Variants in ARHGAP39 observed in about 807,000 individuals in gnomAD.
The protein encoded by ARHGAP39 is rho GTPase-activating protein 39.
A neutral mutation model predicts 106.9 loss-of-function variants in ARHGAP39; 44 were observed. The ratio of observed to expected loss-of-function variants is 0.41; its 90% CI spans 0.32 to 0.53. ARHGAP39 has a LOEUF of 0.53. Ranked by LOEUF, ARHGAP39 falls within the 20% of genes least tolerant of loss-of-function variation. The pLI, the probability that ARHGAP39 is intolerant of heterozygous loss-of-function variation, is 0.21. For synonymous variants in ARHGAP39, 768 were observed against 693.2 expected (o/e 1.11, Z -1.69); for missense variants, 1,496 against 1,577.3 (o/e 0.95, Z 0.87).
intron 1 of ARHGAP39, among the ~76,000 whole-genome samples, chr8:144,681,295 G>A (rs1822410812): frequency 6.6e-6 from 1 of 152,204 alleles, no homozygotes; most frequent in Non-Finnish European, 1.5e-5. Context: ...AGGGACAGGA[G>A]ACAGGCCAGG....
chr8:144,696,662 A>G, the ARHGAP39 span, among the ~76,000 whole-genome samples: 1,510 of 152,278 alleles, frequency 9.9e-3, 27 homozygotes, highest in African/African-American at 0.034. Flanking sequence ...TTGTGGTAAA[A>G]TTCATATAAC....
intron 1 of ARHGAP39, among the ~76,000 whole-genome samples, chr8:144,642,620 G>T (rs1821340885): frequency 6.6e-6 from 1 of 152,136 alleles, no homozygotes. Flanking sequence ...CTAGTGGGAG[G>T]TAACTGAATC....
At chr8:144,588,678 G>A (rs555352332) in intron 2 of ARHGAP39, among the ~76,000 whole-genome samples, 33 of 152,374 alleles carry the variant, frequency 2.2e-4, no homozygotes, top group African/African-American at 6.5e-4. Context: ...GCCTGTCTCC[G>A]TCAAACCCAG....
At chr8:144,574,212 G>T (rs973483281) in intron 3 of ARHGAP39, among the ~76,000 whole-genome samples, 4 of 150,972 alleles carry the variant, frequency 2.6e-5, no homozygotes, top group Non-Finnish European at 4.4e-5. Flanking sequence ...GGGGGAAGAA[G>T]AAATCATAAT....
chr8:144,542,642 C>T (rs11780277), intron 6 of ARHGAP39, among the ~76,000 whole-genome samples: 6 of 150,354 alleles, frequency 4.0e-5, no homozygotes, highest in Non-Finnish European at 5.9e-5. Context: ...CCCACCCCCA[C>T]TTCGACGGAG....
chr8:144,686,934 T>C (rs28441981), upstream of ARHGAP39, among the ~76,000 whole-genome samples: 6,843 of 18,172 alleles, frequency 0.38, 1,700 homozygotes, highest in African/African-American at 0.42. Flanking sequence ...GCGGCGACCA[T>C]TTCCCACCCC....
chr8:144,534,039 T>C, intron 8 of ARHGAP39, 90 bp downstream of exon 8: 2 of 1,463,236 alleles, frequency 1.4e-6, no homozygotes, highest in Non-Finnish European at 1.9e-6. Flanking sequence ...TGCTGCCCCA[T>C]ACCAAACTGC....
intron 3 of ARHGAP39, among the ~76,000 whole-genome samples, chr8:144,558,508 G>C (rs1818026891): frequency 6.6e-6 from 1 of 152,028 alleles, no homozygotes; most frequent in African/African-American, 2.4e-5. Flanking sequence ...GGTCAGGCTA[G>C]TCTCGAACTC....
At chr8:144,618,245 C>T (rs1820689833) in intron 1 of ARHGAP39, among the ~76,000 whole-genome samples, 1 of 152,242 alleles carries the variant, frequency 6.6e-6, no homozygotes, top group South Asian at 2.1e-4. Flanking sequence ...CTCTCCCAGA[C>T]TGGGGTCCTG....
chr8:144,559,238 CG>C (rs1818054352), intron 3 of ARHGAP39, among the ~76,000 whole-genome samples: 1 of 150,708 alleles, frequency 6.6e-6, no homozygotes, highest in African/African-American at 2.4e-5. Flanking sequence ...AAAAACTAGC[CG>C]GAAGGGTGAC....
At chr8:144,538,640 T>A (rs1586878299) in intron 6 of ARHGAP39, among the ~76,000 whole-genome samples, 1 of 152,212 alleles carries the variant, frequency 6.6e-6, no homozygotes, top group African/African-American at 2.4e-5. Flanking sequence ...CACTGCAACC[T>A]CCACCCACCG....
chr8:144,539,453 T>C (rs1483501298), intron 6 of ARHGAP39, among the ~76,000 whole-genome samples: 1 of 152,248 alleles, frequency 6.6e-6, no homozygotes, highest in Non-Finnish European at 1.5e-5. Context: ...GATAGTACTT[T>C]TGGAATTATA....
intron 3 of ARHGAP39, among the ~76,000 whole-genome samples, chr8:144,561,605 C>T (rs911677216): frequency 1.4e-4 from 13 of 91,356 alleles, no homozygotes; most frequent in Middle Eastern, 7.6e-3. Flanking sequence ...GTTTCCATCG[C>T]GCTCCAGTGG....
chr8:144,567,373 T>C (rs1313676181), intron 3 of ARHGAP39, among the ~76,000 whole-genome samples: 2 of 152,238 alleles, frequency 1.3e-5, no homozygotes, highest in Admixed American at 6.5e-5. Flanking sequence ...AGAGGGCTCC[T>C]TGGTCTAGCG....
chr8:144,628,481 C>A (rs1313260650), intron 1 of ARHGAP39, among the ~76,000 whole-genome samples: 1 of 152,120 alleles, frequency 6.6e-6, no homozygotes, highest in Non-Finnish European at 1.5e-5. Context: ...CCTGAATGTA[C>A]GTGGCATCAT....
At chr8:144,535,416 C>T (rs750364666) in intron 7 of ARHGAP39, among the ~76,000 whole-genome samples, 1 of 152,210 alleles carries the variant, frequency 6.6e-6, no homozygotes, top group Non-Finnish European at 1.5e-5. Flanking sequence ...CAGCCTCCAG[C>T]GTGGGACCAT....
intron 6 of ARHGAP39, among the ~76,000 whole-genome samples, chr8:144,543,328 G>C (rs549633527): frequency 6.6e-6 from 1 of 152,244 alleles, no homozygotes; most frequent in African/African-American, 2.4e-5. Flanking sequence ...ACACCTCCTA[G>C]GCACAGGAGG....
In ARHGAP39 at chr8:144,615,252, C is replaced by T. The variant is rs564558483; in HGVS notation, c.-81-9557G>A. Among the ~76,000 whole-genome samples the T allele has an allele frequency of 4.1e-4, 62 of 152,052 alleles. No individual in the cohort carries two copies. The South Asian group carries it at 0.012, about 30-fold the overall frequency. On this transcript the variant is annotated intron_variant, in intron 1 of 11. Coordinates refer to ENST00000377307, the MANE Select transcript of ARHGAP39 (RefSeq NM_025251.3). ...GAGAGGATCGCTGACCCCAGAAGGT[C>T]GATGCTACAGTGAGCTATGACTGTG... is the stretch of plus-strand genomic sequence containing the variant.
rs1005940601 is a variant in ARHGAP39 at position 144,548,657 on chromosome 8, C to T, written c.597-168G>A. Among the ~76,000 whole-genome samples the T allele has an allele frequency of 8.5e-5, 13 of 152,200 alleles. 1 individual carries two copies. The highest frequency in any genetic ancestry group is 3.3e-4 in the Admixed American group (5 of 15,288). ...CTCACACCTGCCTTGCCCCAGCACC[C>T]CCAGCCCTCCCTCTGGGGCTCTCCT... On this transcript the variant is annotated intron_variant, in intron 4 of 11. Coordinates refer to ENST00000377307, the MANE Select transcript of ARHGAP39 (RefSeq NM_025251.3). The surrounding 1 kb of genome is among the most constrained non-coding windows in gnomAD (Gnocchi z 7.4).
Sources: gnomAD v4.1 joint callset for allele counts (sites outside exome capture counted in the v4.1 genomes callset) on GRCh38, gnomAD v4.1.1 for gene constraint, Gnocchi (gnomAD v3.1) non-coding constraint, MANE v1.5 for transcripts, NCBI Gene and HGNC (gene_info 2026-07-23, HGNC 2026-07-21) for gene names.